PTCHD4: variants seen among roughly 807,000 people sequenced by gnomAD.
The protein encoded by PTCHD4 is patched domain containing 4.
In PTCHD4, 33 loss-of-function variants were observed where a neutral mutation model predicts 58.1. The observed-to-expected ratio is 0.57, with a 90% CI of 0.43 to 0.76. The LOEUF (loss-of-function observed/expected upper bound fraction) is 0.76, where lower values mean the gene tolerates loss of function less well. PTCHD4 is among the 30% of genes least tolerant of loss of function. The probability of loss-of-function intolerance (pLI) is 0.00; values close to 1 mark genes in which losing one functional copy is unlikely to be tolerated. For missense variants in PTCHD4, 1,058 were observed against 1,027.1 expected, an observed-to-expected ratio of 1.03 and a Z score of -0.41; for synonymous variants, 478 against 409.6, an observed-to-expected ratio of 1.17 and a Z score of -2.02.
intron 4 of PTCHD4, among the ~76,000 whole-genome samples, chr6:47,979,248 A>C (rs1311753798): frequency 6.6e-6 from 1 of 152,132 alleles, no homozygotes; most frequent in Non-Finnish European, 1.5e-5. Context: ...TATCTTGATG[A>C]GGTTTGAGTT....
intron 4 of PTCHD4, among the ~76,000 whole-genome samples, chr6:48,007,280 T>C (rs930647385): frequency 6.6e-6 from 1 of 152,038 alleles, no homozygotes; most frequent in African/African-American, 2.4e-5. Context: ...AACTAACAAC[T>C]TAACATGGCC....
intron 4 of PTCHD4, among the ~76,000 whole-genome samples, chr6:47,960,443 T>C (rs1432628525): frequency 1.3e-5 from 2 of 152,132 alleles, no homozygotes. Flanking sequence ...AAGACCTAAC[T>C]GTATTTTGTC....
chr6:48,060,716 C>A (rs543020708), intron 3 of PTCHD4, among the ~76,000 whole-genome samples: 54 of 152,180 alleles, frequency 3.5e-4, no homozygotes, highest in Non-Finnish European at 6.9e-4. Context: ...CTCAAACGAT[C>A]CACCCACCTC....
intron 4 of PTCHD4, among the ~76,000 whole-genome samples, chr6:47,956,215 A>T (rs1043615294): frequency 2.0e-5 from 3 of 152,216 alleles, no homozygotes; most frequent in Non-Finnish European, 2.9e-5. Context: ...AATCCTGACG[A>T]TACAAATATG....
In PTCHD4 at chr6:48,069,140, A is replaced by AGCG. The variant is rs1245258493; in HGVS notation, c.-184_-183insCGC. ...TAAGAAGCAGACATGTGCCCCATAA[A>AGCG]GGGGGGGGGGGCTGAGGGGGGGAGA... On this transcript the variant is annotated 5_prime_UTR_variant, in exon 2 of 5. Transcript: ENST00000339488. Among the ~76,000 whole-genome samples the AGCG allele has an allele frequency of 5.7e-3, 271 of 47,312 alleles. 2 individuals carry two copies. The highest frequency in any genetic ancestry group is 0.017 in the South Asian group (16 of 916). The allele number at this position is 47,312 out of a possible 152,430, so 31.0% of individuals were successfully genotyped here. A position where few individuals can be genotyped will look rare whatever the true frequency, so the allele number is the denominator to read the frequency against.
At chr6:48,107,305 C>T (rs1309220556) in intron 1 of PTCHD4, among the ~76,000 whole-genome samples, 4 of 152,266 alleles carry the variant, frequency 2.6e-5, no homozygotes, top group Admixed American at 2.0e-4. Flanking sequence ...TGCATATCTA[C>T]AACTATCTGA....
intron 4 of PTCHD4, among the ~76,000 whole-genome samples, chr6:47,995,336 TG>T (rs1482125455): frequency 6.6e-6 from 1 of 152,164 alleles, no homozygotes; most frequent in Admixed American, 6.6e-5. Context: ...TGGGAGGCAT[TG>T]GGGCAGCATT....
intron 4 of PTCHD4, among the ~76,000 whole-genome samples, chr6:47,887,438 A>G (rs4142121): frequency 0.64 from 97,512 of 152,004 alleles, 32,281 homozygotes; most frequent in East Asian, 0.78. Context: ...TGAGAAGGAA[A>G]CTTGCTGAGT....
intron 3 of PTCHD4, among the ~76,000 whole-genome samples, chr6:48,011,349 A>T (rs558443776): frequency 1.5e-4 from 23 of 151,906 alleles, no homozygotes; most frequent in Non-Finnish European, 3.2e-4. Flanking sequence ...GGTTTTCTTC[A>T]TATGTTTATT....
chr6:48,033,901 C>T (rs767073597), intron 3 of PTCHD4, among the ~76,000 whole-genome samples: 4 of 151,854 alleles, frequency 2.6e-5, no homozygotes, highest in Non-Finnish European at 5.9e-5. Flanking sequence ...GTTGGGAGCA[C>T]CATTTTATGG....
In PTCHD4 at chr6:47,963,208, G is replaced by T. The variant is rs371504258; in HGVS notation, c.898+45426C>A. The stretch of plus-strand genomic sequence containing the variant: ...TAAGATTAAATAGACATTCCTAAAA[G>T]AATAAACACATGCCAACAAATATAT... On this transcript the variant is annotated intron_variant, in intron 4 of 4. Coordinates refer to ENST00000339488, the MANE Select transcript of PTCHD4 (RefSeq NM_001384253.1). Among the ~76,000 whole-genome samples, 5 of 151,540 alleles carry T rather than the reference G, an allele frequency of 3.3e-5. No individual in the cohort carries two copies. The East Asian group carries it at 5.8e-4, about 18-fold the overall frequency.
chr6:48,052,664 T>C (rs1214619886), intron 3 of PTCHD4, among the ~76,000 whole-genome samples: 2 of 152,076 alleles, frequency 1.3e-5, no homozygotes, highest in Non-Finnish European at 2.9e-5. Context: ...TTGCAAAATA[T>C]AAGGCAGATA....
rs1441174158 is a variant in PTCHD4 at position 47,877,720 on chromosome 6, A to C, written c.*583T>G. Among the ~76,000 whole-genome samples the C allele has an allele frequency of 6.6e-6, 1 of 152,044 alleles. No individual in the cohort carries two copies. The highest frequency in any genetic ancestry group is 1.5e-5 in the Non-Finnish European group (1 of 67,990). Reference sequence around the variant, plus strand: ...AAAGCCAGCCTATCTTCAAATGGACAGCTCCCTCCACATAAACGTCAATGT... The same window carrying C: ...AAAGCCAGCCTATCTTCAAATGGACCGCTCCCTCCACATAAACGTCAATGT... On this transcript the variant is annotated 3_prime_UTR_variant, in exon 5 of 5. Coordinates refer to ENST00000339488, the MANE Select transcript of PTCHD4 (RefSeq NM_001384253.1).
intron 4 of PTCHD4, among the ~76,000 whole-genome samples, chr6:47,935,122 C>G (rs2113913202): frequency 6.6e-6 from 1 of 152,178 alleles, no homozygotes; most frequent in Admixed American, 6.5e-5. Context: ...AAATTGGATA[C>G]TTTTAAGGGC....
chr6:47,967,878 G>A (rs527558193), intron 4 of PTCHD4, among the ~76,000 whole-genome samples: 2 of 152,244 alleles, frequency 1.3e-5, no homozygotes, highest in African/African-American at 4.8e-5. Flanking sequence ...TGTTGTGGCT[G>A]GTTTGATCTT....
intron 3 of PTCHD4, among the ~76,000 whole-genome samples, chr6:48,045,860 A>G (rs1277461180): frequency 6.6e-6 from 1 of 151,294 alleles, no homozygotes; most frequent in Non-Finnish European, 1.5e-5. Context: ...AGGGTCCAGC[A>G]TAGGTTCAAG....
chr6:47,906,410 T>C (rs1236754052), intron 4 of PTCHD4, among the ~76,000 whole-genome samples: 1 of 152,088 alleles, frequency 6.6e-6, no homozygotes, highest in Non-Finnish European at 1.5e-5. Flanking sequence ...TCAGTCTCAC[T>C]CAGCATGAGA....
intron 4 of PTCHD4, among the ~76,000 whole-genome samples, chr6:47,914,677 C>T (rs1398298529): frequency 8.1e-6 from 1 of 124,098 alleles, no homozygotes; most frequent in Non-Finnish European, 1.7e-5. Context: ...TATAATAGAA[C>T]CTATCTATCT....
chr6:48,047,633 A>G (rs1764082741), intron 3 of PTCHD4, among the ~76,000 whole-genome samples: 1 of 151,758 alleles, frequency 6.6e-6, no homozygotes, highest in Admixed American at 6.6e-5. Flanking sequence ...ATGTGATGCT[A>G]TTTGAAGGTG....
Sources: allele counts gnomAD v4.1 joint callset (sites outside exome capture counted in the v4.1 genomes callset), GRCh38; gene constraint gnomAD v4.1.1; transcripts MANE v1.5; gene names NCBI Gene and HGNC (gene_info 2026-07-23, HGNC 2026-07-21).